GTF2A1L: variants seen among roughly 807,000 people sequenced by gnomAD.
GTF2A1L encodes general transcription factor IIA subunit 1 like.
GTF2A1L carries 48 observed loss-of-function variants against 49.7 expected under a neutral mutation model. The observed-to-expected ratio is 0.97, with a 90% CI of 0.77 to 1.23. The LOEUF (loss-of-function observed/expected upper bound fraction) is 1.23, where lower values mean the gene tolerates loss of function less well. Ranked by LOEUF, GTF2A1L falls within the 50% of genes most tolerant of loss-of-function variation. The probability of loss-of-function intolerance (pLI) is 0.00; values close to 1 mark genes in which losing one functional copy is unlikely to be tolerated. For missense variants in GTF2A1L, 736 were observed against 564.8 expected (o/e 1.30, Z -3.07); for synonymous variants, 246 against 193.5 (o/e 1.27, Z -2.25).
At chr2:48,666,584 GGTGTGTGTGT>G (rs113492704) in intron 6 of GTF2A1L, among the ~76,000 whole-genome samples, 4 of 147,046 alleles carry the variant, frequency 2.7e-5, no homozygotes, top group Non-Finnish European at 4.5e-5. Context: ...AACTTGTCAG[GGTGTGTGTGT>G]GTGTGTGTGT....
intron 5 of GTF2A1L, among the ~76,000 whole-genome samples, chr2:48,645,841 G>C (rs1558732742): frequency 6.6e-6 from 1 of 152,004 alleles, no homozygotes; most frequent in Non-Finnish European, 1.5e-5. Flanking sequence ...GTAGAGACAG[G>C]GTTTCACCGT....
intron 3 of GTF2A1L, among the ~76,000 whole-genome samples, chr2:48,637,696 G>A (rs1188428463): frequency 1.3e-5 from 2 of 152,052 alleles, no homozygotes; most frequent in African/African-American, 4.8e-5. Context: ...GTTGGTTTTT[G>A]AAAAAATTAA....
intron 3 of GTF2A1L, among the ~76,000 whole-genome samples, chr2:48,626,269 C>T (rs1337124821): frequency 1.4e-5 from 2 of 143,950 alleles, no homozygotes; most frequent in African/African-American, 4.9e-5. Context: ...TTGATTACTA[C>T]AGGTTTGCAA....
At chr2:48,677,325 A>G (rs1679520533) in intron 8 of GTF2A1L, among the ~76,000 whole-genome samples, 1 of 151,910 alleles carries the variant, frequency 6.6e-6, no homozygotes, top group African/African-American at 2.4e-5. Context: ...GCAATTTTAG[A>G]TGGAGTGTCT....
At position 48,654,195 on chromosome 2, in the gene GTF2A1L, G is replaced by C. The variant is rs79232283; in HGVS notation, c.978+7153G>C. On this transcript the variant is annotated intron_variant, in intron 6 of 8. Transcript: ENST00000403751. ...GTAAGGAGAAGTTTTTAATTTTGAT[G>C]AAGTCCAGTTTATTATTTTTATCTT... is the stretch of plus-strand genomic sequence containing the variant. Among the ~76,000 whole-genome samples the C allele has an allele frequency of 7.6e-3, 1,152 of 152,152 alleles. 25 individuals carry two copies. Among genetic ancestry groups the C allele is most frequent in the African/African-American group, 0.025 (1,046 of 41,506 alleles).
At chr2:48,622,197 A>G (rs1428171823) in intron 3 of GTF2A1L, among the ~76,000 whole-genome samples, 1 of 152,242 alleles carries the variant, frequency 6.6e-6, no homozygotes, top group African/African-American at 2.4e-5. Context: ...TTCTTCTATT[A>G]CAAAGTGGGA....
At chr2:48,621,313 G>A (rs780026529) in intron 3 of GTF2A1L, 23 bp downstream of exon 3, 1 of 1,613,752 alleles carries the variant, frequency 6.2e-7, no homozygotes, top group South Asian at 1.1e-5. Context: ...TAGTAAATGA[G>A]TACTGTTAGT....
At chr2:48,640,183 A>C (rs1208049238) in intron 3 of GTF2A1L, among the ~76,000 whole-genome samples, 1 of 152,210 alleles carries the variant, frequency 6.6e-6, no homozygotes, top group Non-Finnish European at 1.5e-5. Context: ...TTGACCCAGC[A>C]ATCTCATTAC....
Position 48,656,211 on chromosome 2 carries a change from A to G in GTF2A1L, c.978+9169A>G, listed in dbSNP as rs1020651168. On this transcript the variant is annotated intron_variant, in intron 6 of 8. Transcript: ENST00000403751. Reference sequence around the variant, plus strand: ...GATATATATGGAGAAATGGAACTGCAAAATCATATGACAATTCTACTTTTA... The same window carrying G: ...GATATATATGGAGAAATGGAACTGCGAAATCATATGACAATTCTACTTTTA... 4.6e-5 allele frequency among the ~76,000 whole-genome samples: 7 copies of G among 152,158 alleles called. No homozygotes were observed. The East Asian group carries it at 1.3e-3, about 29-fold the overall frequency.
At chr2:48,668,218 T>A (rs558709323) in intron 6 of GTF2A1L, among the ~76,000 whole-genome samples, 41 of 152,316 alleles carry the variant, frequency 2.7e-4, no homozygotes, top group African/African-American at 9.6e-4. Flanking sequence ...TGGAAAGTCA[T>A]CCTTTCCATT....
At chr2:48,649,078 A>G (rs1367473137) in intron 6 of GTF2A1L, among the ~76,000 whole-genome samples, 1 of 152,170 alleles carries the variant, frequency 6.6e-6, no homozygotes, top group Non-Finnish European at 1.5e-5. Flanking sequence ...CTGTTTCACA[A>G]AATATATTCT....
chr2:48,639,800 G>A (rs1006346411), intron 3 of GTF2A1L, among the ~76,000 whole-genome samples: 1 of 152,110 alleles, frequency 6.6e-6, no homozygotes, highest in African/African-American at 2.4e-5. Context: ...CTATGTATCT[G>A]ACAAAGGTCT....
At chr2:48,637,907 C>T (rs1481296610) in intron 3 of GTF2A1L, among the ~76,000 whole-genome samples, 5 of 151,988 alleles carry the variant, frequency 3.3e-5, no homozygotes. Flanking sequence ...TACCACTGAC[C>T]CCACAGAAAT....
At chr2:48,661,140 T>A (rs1260299574) in intron 6 of GTF2A1L, among the ~76,000 whole-genome samples, 1 of 152,042 alleles carries the variant, frequency 6.6e-6, no homozygotes, top group Non-Finnish European at 1.5e-5. Context: ...TGTTCTCTCC[T>A]TTATAGTTTT....
intron 3 of GTF2A1L, among the ~76,000 whole-genome samples, chr2:48,634,144 G>A (rs1441833074): frequency 6.6e-6 from 1 of 152,088 alleles, no homozygotes; most frequent in African/African-American, 2.4e-5. Context: ...AAGGAGTCTT[G>A]CTCTGTCACT....
rs756676206 is a variant in GTF2A1L at position 48,621,288 on chromosome 2, C to A, written c.245C>A (p.Thr82Lys). ...HSLHQTLQSSTASLVIPAGRT... is the reference protein window; with the variant it reads ...HSLHQTLQSSKASLVIPAGRT... ...TTGCACCAAACATTGCAATCGTCAACAGGTTGGATACCATTAGTAAATGAG... is the reference window on the plus strand; with the variant it reads ...TTGCACCAAACATTGCAATCGTCAAAAGGTTGGATACCATTAGTAAATGAG... Residue 82 changes from threonine to lysine, a missense_variant and splice_region_variant, in exon 3 of 9, where the codon ACA becomes AAA. By Grantham distance (78) the Thr-to-Lys change is moderately conservative. Coordinates refer to ENST00000403751, the MANE Select transcript of GTF2A1L (RefSeq NM_006872.5). The A allele has an allele frequency of 6.2e-7, 1 of 1,614,080 alleles. No homozygotes were observed. The highest frequency in any genetic ancestry group is 1.7e-5 in the Admixed American group (1 of 60,014).
chr2:48,634,930 C>G (rs923434569), intron 3 of GTF2A1L, among the ~76,000 whole-genome samples: 1 of 152,188 alleles, frequency 6.6e-6, no homozygotes, highest in Non-Finnish European at 1.5e-5. Context: ...GTGGCAGGTA[C>G]AAGCACTGAA....
intron 6 of GTF2A1L, among the ~76,000 whole-genome samples, chr2:48,649,655 A>C (rs75184573): frequency 1.3e-5 from 2 of 152,232 alleles, no homozygotes; most frequent in African/African-American, 2.4e-5. Context: ...GTAAATGCTC[A>C]GTGCATGTTA....
intron 3 of GTF2A1L, chr2:48,632,152 A>C (rs1676615526): frequency 6.6e-6 from 1 of 152,036 alleles, no homozygotes; most frequent in Admixed American, 6.6e-5. Flanking sequence ...CTCTTCCTTT[A>C]CTCAACTGAG....
Sources: allele counts gnomAD v4.1 joint callset (sites outside exome capture counted in the v4.1 genomes callset), GRCh38; gene constraint gnomAD v4.1.1; transcripts MANE v1.5; gene names NCBI Gene and HGNC (gene_info 2026-07-23, HGNC 2026-07-21).